Variants in PRR11 observed in about 807,000 individuals in gnomAD.
The protein encoded by PRR11 is proline rich 11, also known as proline-rich protein 11.
In PRR11, 30 loss-of-function variants were observed where a neutral mutation model predicts 45.6. That is an observed-to-expected ratio of 0.66 (90% CI 0.49 to 0.89). PRR11 has a LOEUF of 0.89. PRR11 is among the 40% of genes least tolerant of loss of function. The pLI is 0.00. For missense variants in PRR11, 373 were observed against 424.8 expected, an observed-to-expected ratio of 0.88 and a Z score of 1.07; for synonymous variants, 128 against 153.5, an observed-to-expected ratio of 0.83 and a Z score of 1.23.
At chr17:59,179,378 C>T (rs554762350) in intron 2 of PRR11, among the ~76,000 whole-genome samples, 17 of 152,228 alleles carry the variant, frequency 1.1e-4, no homozygotes, top group East Asian at 3.9e-4. Flanking sequence ...TTCAAGCAAT[C>T]CTCTTAACTC....
chr17:59,188,200 G>T (rs907630822), intron 4 of PRR11, among the ~76,000 whole-genome samples: 7 of 152,106 alleles, frequency 4.6e-5, no homozygotes, highest in Admixed American at 4.6e-4. Context: ...AGTAGTCTCT[G>T]CCACACACAA....
chr17:59,156,954 G>A (rs2046628231), intron 1 of PRR11, among the ~76,000 whole-genome samples: 1 of 152,146 alleles, frequency 6.6e-6, no homozygotes, highest in Non-Finnish European at 1.5e-5. Flanking sequence ...TCATTGGGTG[G>A]AGTTTTCACA....
At chr17:59,175,887 G>T (rs1162997627) in intron 2 of PRR11, among the ~76,000 whole-genome samples, 1 of 152,152 alleles carries the variant, frequency 6.6e-6, no homozygotes, top group Non-Finnish European at 1.5e-5. Flanking sequence ...CAGCTTGGGG[G>T]ACAGGGCAAG....
At chr17:59,170,377 GA>G (rs2046701728) in intron 2 of PRR11, among the ~76,000 whole-genome samples, 1 of 151,910 alleles carries the variant, frequency 6.6e-6, no homozygotes, top group Non-Finnish European at 1.5e-5. Context: ...TGCTTTATCT[GA>G]AATTAATTTT....
intron 1 of PRR11, among the ~76,000 whole-genome samples, chr17:59,168,879 A>G (rs1243751882): frequency 6.6e-6 from 1 of 152,104 alleles, no homozygotes; most frequent in Non-Finnish European, 1.5e-5. Flanking sequence ...TTTTATCCTC[A>G]GTTTATTCTT....
chr17:59,172,409 C>T (rs936254818), intron 2 of PRR11, among the ~76,000 whole-genome samples: 14 of 152,374 alleles, frequency 9.2e-5, no homozygotes, highest in East Asian at 3.9e-4. Context: ...CTCACCTGGG[C>T]GCCCACTCTG....
At chr17:59,157,187 T>C (rs1225738307) in intron 1 of PRR11, among the ~76,000 whole-genome samples, 1 of 152,244 alleles carries the variant, frequency 6.6e-6, no homozygotes, top group Non-Finnish European at 1.5e-5. Flanking sequence ...GAATGCTTCT[T>C]TTCATTCTTT....
chr17:59,169,516 G>A (rs1021199454), intron 1 of PRR11, among the ~76,000 whole-genome samples: 2 of 152,240 alleles, frequency 1.3e-5, no homozygotes, highest in East Asian at 3.9e-4. Context: ...AACTGAGAGA[G>A]TAATATAATG....
At chr17:59,168,612 C>G (rs2046691184) in intron 1 of PRR11, among the ~76,000 whole-genome samples, 1 of 151,892 alleles carries the variant, frequency 6.6e-6, no homozygotes, top group Admixed American at 6.6e-5. Flanking sequence ...ATCATTTGAA[C>G]CTGGGAGGTG....
intron 2 of PRR11, among the ~76,000 whole-genome samples, chr17:59,174,789 G>T (rs538007956): frequency 8.5e-5 from 13 of 152,080 alleles, no homozygotes; most frequent in Admixed American, 1.3e-4. Context: ...TAGGAAACGC[G>T]GTGCGATCTC....
chr17:59,192,193 A>T (rs972494821), intron 4 of PRR11, among the ~76,000 whole-genome samples: 1 of 152,166 alleles, frequency 6.6e-6, no homozygotes, highest in East Asian at 1.9e-4. Flanking sequence ...CAATGTGACC[A>T]CAGAGATAGA....
chr17:59,159,520 C>G (rs2046641543), intron 1 of PRR11, among the ~76,000 whole-genome samples: 1 of 152,128 alleles, frequency 6.6e-6, no homozygotes, highest in Admixed American at 6.5e-5. Flanking sequence ...AGTCATGGTC[C>G]CATAAATCCA....
rs576992736 is a variant in PRR11 at position 59,184,404 on chromosome 17, G to A, written c.129-650G>A. On this transcript the variant is annotated intron_variant, in intron 2 of 9. Transcript: ENST00000262293. ...TTGAACTCGGGGTGCGGAGGTTGCC[G>A]TGAGCCAAGATCGCACCATTGCTCT... 1.5e-3 allele frequency among the ~76,000 whole-genome samples: 235 copies of A among 152,298 alleles called. 1 individual carries two copies. The highest frequency in any genetic ancestry group is 2.5e-3 in the Admixed American group (38 of 15,288).
rs1429280145 is a variant in PRR11, at chr17:59,185,062, T to G, written c.137T>G (p.Ile46Ser). 3 of 1,612,848 alleles carry G rather than the reference T, an allele frequency of 1.9e-6. No individual in the cohort carries two copies. The South Asian group carries it at 3.3e-5, about 18-fold the overall frequency. ...TTTTGTTTTTCCTACAGAGTCGGTATTTCTTCAATAGATATATCTCAAAGC... is the reference window on the plus strand; with the variant it reads ...TTTTGTTTTTCCTACAGAGTCGGTAGTTCTTCAATAGATATATCTCAAAGC... ...PPPPSPERVG[I>S]SSIDISQSRS... Residue 46 changes from isoleucine to serine, a missense_variant, in exon 3 of 10, where the codon ATT becomes AGT. Physicochemically the swap from Ile to Ser is moderately radical, Grantham distance 142. Transcript: ENST00000262293.
rs2046897113 is a variant in PRR11, at chr17:59,202,398, TCTATTAA to T, written c.*768_*774del. 1 of 152,040 alleles carries T rather than the reference TCTATTAA, an allele frequency of 6.6e-6. No homozygotes were observed. The highest frequency in any genetic ancestry group is 1.5e-5 in the Non-Finnish European group (1 of 67,990). 9.4% of individuals were successfully genotyped at this position (152,040 alleles called of 1,614,324 possible). On this transcript the variant is annotated 3_prime_UTR_variant, in exon 10 of 10. Coordinates refer to ENST00000262293, the MANE Select transcript of PRR11 (RefSeq NM_018304.4). Reference sequence around the variant, plus strand: ...CAACATAATACAGGGAGACCCCGTTTCTATTAAAAATACAAAAATCAGCCAGCTGTGG... The same window carrying T: ...CAACATAATACAGGGAGACCCCGTTTAAATACAAAAATCAGCCAGCTGTGG...
chr17:59,173,189 T>A (rs750570283), intron 2 of PRR11, among the ~76,000 whole-genome samples: 25 of 152,246 alleles, frequency 1.6e-4, no homozygotes, highest in Non-Finnish European at 3.2e-4. Context: ...GCTCAGGGAT[T>A]GTAAAGGCAC....
chr17:59,199,247 G>A (rs1025434294), intron 9 of PRR11, among the ~76,000 whole-genome samples: 1 of 152,166 alleles, frequency 6.6e-6, no homozygotes, highest in African/African-American at 2.4e-5. Context: ...TAACTGTGGG[G>A]TGGGTCCACC....
intron 2 of PRR11, chr17:59,181,587 T>C: frequency 1.5e-6 from 2 of 1,356,338 alleles, no homozygotes; most frequent in Non-Finnish European, 1.0e-6. Context: ...TCAGCTTCAT[T>C]TTGAGCCCAC....
chr17:59,177,329 G>C, intron 2 of PRR11: 1 of 540,226 alleles, frequency 1.9e-6, no homozygotes, highest in Non-Finnish European at 3.8e-6. Context: ...CAGTGGAATG[G>C]GGGTCTAGGG....
Sources: gnomAD v4.1 joint callset for allele counts (sites outside exome capture counted in the v4.1 genomes callset) on GRCh38, gnomAD v4.1.1 for gene constraint, MANE v1.5 for transcripts, NCBI Gene and HGNC (gene_info 2026-07-23, HGNC 2026-07-21) for gene names.